Variants in CES4A observed in about 807,000 individuals in gnomAD.
CES4A encodes the protein carboxylesterase 6.
In CES4A, 48 loss-of-function variants were observed where a neutral mutation model predicts 65.4. That is an observed-to-expected ratio of 0.73 (90% CI 0.58 to 0.93). The LOEUF is 0.93. Ranked by LOEUF, CES4A falls within the 40% of genes least tolerant of loss-of-function variation. The probability of loss-of-function intolerance (pLI) is 0.00; values close to 1 mark genes in which losing one functional copy is unlikely to be tolerated. For missense variants in CES4A, 685 were observed against 728.5 expected, an observed-to-expected ratio of 0.94 and a Z score of 0.69; for synonymous variants, 247 against 281.8, an observed-to-expected ratio of 0.88 and a Z score of 1.24.
Position 67,003,536 on chromosome 16 carries a change from CA to C in CES4A, c.923del (p.Gln308ArgfsTer11), listed in dbSNP as rs1300903139. 1.2e-6 allele frequency: 2 copies of C among 1,613,404 alleles called. No individual in the cohort carries two copies. Among genetic ancestry groups the C allele is most frequent in the Non-Finnish European group, 1.7e-6 (2 of 1,179,456 alleles). ...ATAGAGATTCCTCCAACTGAACTTCCAGAGAGACCCGGAAGAGGTAAACAGG... is the reference window on the plus strand; with the variant it reads ...ATAGAGATTCCTCCAACTGAACTTCCGAGAGACCCGGAAGAGGTAAACAGG... On this transcript the variant is annotated frameshift_variant, in exon 8 of 14. Transcript: ENST00000648724. LOFTEE classifies it high-confidence loss of function. This position sits in a 1 kb window ranked among gnomAD's most constrained non-coding sequence, Gnocchi z 4.2.
chr16:67,004,926 G>C, intron 10 of CES4A, 53 bp downstream of exon 10: 1 of 1,401,304 alleles, frequency 7.1e-7, no homozygotes, highest in Non-Finnish European at 9.8e-7. Context: ...TGACCCCCCT[G>C]TTTTTTTTAA....
chr16:67,001,248 A>T lies in CES4A; in HGVS notation c.537-60A>T. On this transcript the variant is annotated intron_variant, in intron 4 of 13. Transcript: ENST00000648724. This position sits in a 1 kb window ranked among gnomAD's most constrained non-coding sequence, Gnocchi z 4.1. ...CTGGGTGGGGGAAGCCCAGGAGGGC[A>T]GCCCAACGCGCCCCGACTGTCGAGG... 1 of 1,509,376 alleles carries T rather than the reference A, an allele frequency of 6.6e-7. No homozygotes were observed. Among genetic ancestry groups the T allele is most frequent in the Non-Finnish European group, 8.8e-7 (1 of 1,131,926 alleles). The allele number at this position is 1,509,376 out of a possible 1,614,324, so 93.5% of individuals were successfully genotyped here. A position where few individuals can be genotyped will look rare whatever the true frequency, so the allele number is the denominator to read the frequency against.
At chr16:67,006,958 G>A in intron 13 of CES4A, 141 bp downstream of exon 13, 2 of 668,106 alleles carry the variant, frequency 3.0e-6, no homozygotes, top group Non-Finnish European at 5.1e-6. Context: ...TTCTTCTTCA[G>A]CTTTCCTCAG....
intron 2 of CES4A, among the ~76,000 whole-genome samples, chr16:66,999,938 G>T (rs1441728282): frequency 6.6e-6 from 1 of 152,106 alleles, no homozygotes; most frequent in Non-Finnish European, 1.5e-5. Flanking sequence ...GAGGACTGAG[G>T]CCCACGGGCT....
chr16:67,000,848 T>C lies in CES4A; in HGVS notation c.403-9T>C, dbSNP rs765662158. 1.4e-5 allele frequency: 22 copies of C among 1,580,690 alleles called. No homozygotes were observed. The highest frequency in any genetic ancestry group is 8.1e-5 in the South Asian group (7 of 86,658). On this transcript the variant is annotated splice_polypyrimidine_tract_variant and intron_variant, in intron 3 of 13. Transcript: ENST00000648724. This position sits in a 1 kb window ranked among gnomAD's most constrained non-coding sequence, Gnocchi z 4.2. ...CCGCCCCGCTCAGATCCCGGCCTTC[T>C]TCGTCCAGGTGATGGTCTGGTTCCC...
chr16:66,988,979 A>G (rs1964163572), intron 1 of CES4A, 149 bp downstream of exon 1: 1 of 955,198 alleles, frequency 1.0e-6, no homozygotes, highest in Non-Finnish European at 1.5e-6. Flanking sequence ...TCAGGACACT[A>G]AACCATCTAC....
At chr16:67,007,165 T>G (rs1252965498) in intron 13 of CES4A, 2 of 267,312 alleles carry the variant, frequency 7.5e-6, no homozygotes, top group Non-Finnish European at 1.4e-5. Flanking sequence ...AATCAGGAAA[T>G]TACAATCTGG....
chr16:67,006,171 T>C, intron 11 of CES4A: 2 of 546,408 alleles, frequency 3.7e-6, no homozygotes, highest in South Asian at 4.8e-5. Context: ...GTATTCTCAG[T>C]CTGAAGATAA....
exon 2 of CES4A, chr16:66,995,656 G>A (rs372259602): frequency 6.8e-6 from 11 of 1,614,050 alleles, no homozygotes; most frequent in Non-Finnish European, 9.3e-6. Context: ...GGCCTCAAGT[G>A]GTCACCAAAT....
chr16:66,995,673 C>T lies in CES4A; in HGVS notation c.104C>T (p.Thr35Ile). 3 of 1,614,192 alleles carry T rather than the reference C, an allele frequency of 1.9e-6. No individual in the cohort carries two copies. The African/African-American group carries it at 4.0e-5, about 22-fold the overall frequency. ...CCTCAAGTGGTCACCAAATATGGAA[C>T]CCTGCAAGGAAAACAGATGCATGTG... Residue 35 changes from threonine to isoleucine, a missense_variant, in exon 2 of 14, where the codon ACC (threonine) becomes ATC (isoleucine). Physicochemically the swap from Thr to Ile is moderately conservative, Grantham distance 89. Transcript: ENST00000648724.
rs749996065 is a variant in CES4A at position 66,996,048 on chromosome 16, T to G, written c.260+219T>G. ...TGCTGTTGGTTTTTGTTTTTGTTTT[T>G]GTTTTTTTTAGATGGAGTCTCGCTC... is the stretch of plus-strand genomic sequence containing the variant. On this transcript the variant is annotated intron_variant, in intron 2 of 13. Transcript: ENST00000648724. The G allele has an allele frequency of 4.4e-6, 3 of 680,868 alleles. No homozygotes were observed. In the South Asian group the frequency reaches 4.5e-5, roughly 10 times the overall value. The allele number at this position is 680,868 out of a possible 1,614,324, so 42.2% of individuals were successfully genotyped here.
intron 13 of CES4A, 74 bp from the exon 14 acceptor site, chr16:67,008,900 A>G: frequency 6.7e-6 from 10 of 1,486,552 alleles, no homozygotes; most frequent in Non-Finnish European, 9.1e-6. Context: ...GGCAAATTAA[A>G]CGAGGGAAGG....
Position 67,006,834 on chromosome 16 carries a change from G to A in CES4A, c.1517+17G>A, listed in dbSNP as rs1411451668. The stretch of plus-strand genomic sequence containing the variant: ...CCGCACAGGGTGAGTCTGCCCCCCA[G>A]CACATCTGGGCATTCTACCTGCCCA... On this transcript the variant is annotated intron_variant, in intron 13 of 13. Transcript: ENST00000648724. 1 of 1,611,802 alleles carries A rather than the reference G, an allele frequency of 6.2e-7. No individual in the cohort carries two copies. Among genetic ancestry groups the A allele is most frequent in the Admixed American group, 1.7e-5 (1 of 59,860 alleles).
In CES4A at chr16:67,001,574, C is replaced by A; in HGVS notation, c.690+113C>A. 2 of 1,282,444 alleles carry A rather than the reference C, an allele frequency of 1.6e-6. No individual in the cohort carries two copies. The highest frequency in any genetic ancestry group is 2.5e-5 in the East Asian group (1 of 40,520). The allele number at this position is 1,282,444 out of a possible 1,614,324, so 79.4% of individuals were successfully genotyped here. ...ATTTGCGTGTACAGGAACGTGCCTG[C>A]CACAGAAATGCTCTCGCCCCTGCCA... On this transcript the variant is annotated intron_variant, in intron 5 of 13. Coordinates refer to ENST00000648724, the Ensembl canonical transcript of CES4A. The surrounding 1 kb of genome is among the most constrained non-coding windows in gnomAD (Gnocchi z 4.1).
rs2145632317 is a variant in CES4A, at chr16:67,001,428, C to T, written c.657C>T (p.Gly219=). The stretch of plus-strand genomic sequence containing the variant: ...ACCCAGGAAATGTGACCCTGTTCGG[C>T]CAGTCGGCGGGGGCCATGAGCATCT... Residue 219 remains glycine, a synonymous_variant, in exon 5 of 14, where the codon GGC becomes GGT. Transcript: ENST00000648724. This position sits in a 1 kb window ranked among gnomAD's most constrained non-coding sequence, Gnocchi z 4.1. 1 of 1,612,294 alleles carries T rather than the reference C, an allele frequency of 6.2e-7. No individual in the cohort carries two copies. Among genetic ancestry groups the T allele is most frequent in the East Asian group, 2.2e-5 (1 of 44,884 alleles).
intron 10 of CES4A, 74 bp downstream of exon 10, chr16:67,004,947 G>T (rs886972301): frequency 2.0e-4 from 235 of 1,197,524 alleles, no homozygotes; most frequent in Middle Eastern, 9.2e-4. Flanking sequence ...CCTAGTAGCT[G>T]CTCTTTGCAA....
chr16:66,996,504 G>A (rs1436952948), intron 2 of CES4A, among the ~76,000 whole-genome samples: 1 of 152,178 alleles, frequency 6.6e-6, no homozygotes, highest in Admixed American at 6.5e-5. Context: ...TCTGGGGGCT[G>A]AGCCCTGAGT....
Position 67,009,226 on chromosome 16 carries a change from G to A in CES4A, c.*84G>A, listed in dbSNP as rs1027879542. ...GAGACTAGCCATGGACATACCTGGG[G>A]ACAAGAGTTCTACCCACCCCAGTTT... is the stretch of plus-strand genomic sequence containing the variant. On this transcript the variant is annotated 3_prime_UTR_variant, in exon 14 of 14. Coordinates refer to ENST00000648724, the Ensembl canonical transcript of CES4A. 3 of 1,358,744 alleles carry A rather than the reference G, an allele frequency of 2.2e-6. No individual in the cohort carries two copies. In the African/African-American group the frequency reaches 4.4e-5, roughly 20 times the overall value. The allele number at this position is 1,358,744 out of a possible 1,614,324, so 84.2% of individuals were successfully genotyped here. A position where few individuals can be genotyped will look rare whatever the true frequency, so the allele number is the denominator to read the frequency against.
rs1965489178 is a variant in CES4A at position 67,003,184 on chromosome 16, T to G, written c.795+10T>G. 1 of 1,612,722 alleles carries G rather than the reference T, an allele frequency of 6.2e-7. No homozygotes were observed. Among genetic ancestry groups the G allele is most frequent in the African/African-American group, 1.3e-5 (1 of 74,980 alleles). On this transcript the variant is annotated intron_variant, in intron 6 of 13. Transcript: ENST00000648724. This position sits in a 1 kb window ranked among gnomAD's most constrained non-coding sequence, Gnocchi z 4.2. ...ACTGAAAGTGGCCAAGGTGAGTGCC[T>G]CTCCTTCCCCAGGGCTCAGCATGGA... is the stretch of plus-strand genomic sequence containing the variant.
Sources: gnomAD v4.1 joint callset for allele counts (sites outside exome capture counted in the v4.1 genomes callset) on GRCh38, gnomAD v4.1.1 for gene constraint, Gnocchi (gnomAD v3.1) non-coding constraint, MANE v1.5 for transcripts, NCBI Gene and HGNC (gene_info 2026-07-23, HGNC 2026-07-21) for gene names.